Variants in VWF observed in about 807,000 individuals in gnomAD.
The protein encoded by VWF is von Willebrand factor.
In VWF, 176 loss-of-function variants were observed where a neutral mutation model predicts 308.6. The observed-to-expected ratio is 0.57, with a 90% confidence interval of 0.50 to 0.65. The LOEUF is 0.65. Ranked by LOEUF, VWF falls within the 30% of genes least tolerant of loss-of-function variation. The pLI is 0.00. For missense variants in VWF, 3,146 were observed against 3,648.2 expected, an observed-to-expected ratio of 0.86 and a Z score of 3.55; for synonymous variants, 1,385 against 1,443.4, an observed-to-expected ratio of 0.96 and a Z score of 0.92.
chr12:5,949,879 C>G lies in VWF; in HGVS notation c.8160G>C (p.Glu2720Asp). ...CAGTGATGTCGTTGCACTCAGGCTC[C>G]TCACCTACAGGACAGGTGAGAGATG... ...KIPGTCCDTC[E>D]EPECNDITAR... Residue 2720 changes from glutamate (E) to aspartate (D), a missense_variant, in exon 51 of 52, where the codon GAG becomes GAC. By Grantham distance (45) the Glu-to-Asp change is conservative. This residue lies in a region of VWF where 989 missense variants were observed against 1,117.4 expected (regional missense o/e 0.89). Coordinates refer to ENST00000261405, the MANE Select transcript of VWF (RefSeq NM_000552.5). 6.2e-7 allele frequency: 1 copy of G among 1,613,364 alleles called. No homozygotes were observed. The highest frequency in any genetic ancestry group is 8.5e-7 in the Non-Finnish European group (1 of 1,180,004).
chr12:6,077,960 AAC>A (rs962256634), intron 6 of VWF, among the ~76,000 whole-genome samples: 21 of 152,178 alleles, frequency 1.4e-4, no homozygotes, highest in African/African-American at 5.1e-4. Context: ...GGAGAATAGT[AAC>A]AGTTCCTCTG....
chr12:5,998,668 G>T (rs1943839137), intron 34 of VWF, among the ~76,000 whole-genome samples: 1 of 151,138 alleles, frequency 6.6e-6, no homozygotes, highest in South Asian at 2.1e-4. Context: ...TATGAAAAAA[G>T]CATGCTTTCA....
intron 15 of VWF, 54 bp downstream of exon 15, chr12:6,056,803 C>A: frequency 7.6e-7 from 1 of 1,313,270 alleles, no homozygotes; most frequent in Non-Finnish European, 9.7e-7. Context: ...GAAAAGCACA[C>A]GTGGACGGAT....
chr12:5,996,245 T>C (rs1943807602), intron 34 of VWF, 23 bp from the exon 35 acceptor site: 2 of 1,595,734 alleles, frequency 1.3e-6, no homozygotes, highest in African/African-American at 1.3e-5. Flanking sequence ...AAGCAGAGGA[T>C]GGATGCGACG....
chr12:6,103,397 CACGTGTGTGTATACACACGTGTGTGTAT>C (rs1290980050), intron 5 of VWF, among the ~76,000 whole-genome samples: 2 of 109,564 alleles, frequency 1.8e-5, no homozygotes, highest in Non-Finnish European at 3.3e-5. Flanking sequence ...TGTGTGTATA[CACGTGTGTGTATACACACGTGTGTGTAT>C]ACACACGTGT....
At chr12:6,103,443 C>CACACGTGTGTAT (rs1565391052) in intron 5 of VWF, among the ~76,000 whole-genome samples, 1 of 115,764 alleles carries the variant, frequency 8.6e-6, no homozygotes, top group Non-Finnish European at 1.7e-5. Flanking sequence ...TGTGTATATA[C>CACACGTGTGTAT]ATACACATAT....
intron 18 of VWF, among the ~76,000 whole-genome samples, chr12:6,042,540 G>A (rs373934184): frequency 2.4e-4 from 37 of 152,308 alleles, no homozygotes; most frequent in East Asian, 9.7e-4. Context: ...CACACTCGCC[G>A]GCATCGTAAG....
At chr12:6,073,442 A>G (rs143778992) in intron 8 of VWF, among the ~76,000 whole-genome samples, 177 bp downstream of exon 8, 286 of 152,356 alleles carry the variant, frequency 1.9e-3, no homozygotes, top group African/African-American at 6.6e-3. Flanking sequence ...GACAACGTAC[A>G]TTAAAAATAA....
Position 6,064,242 on chromosome 12 carries a change from A to G in VWF, c.1432+4T>C. 6.2e-7 allele frequency: 1 copy of G among 1,614,138 alleles called. No individual in the cohort carries two copies. The highest frequency in any genetic ancestry group is 8.5e-7 in the Non-Finnish European group (1 of 1,180,038). ...CAGGCCTGATGGAGCAGGACGAAGC[A>G]TACCTTTCAGGAGGGGGAGCTGGAC... On this transcript the variant is annotated splice_donor_region_variant and intron_variant, in intron 12 of 51. Transcript: ENST00000261405.
intron 6 of VWF, among the ~76,000 whole-genome samples, chr12:6,085,017 T>A (rs2238103): frequency 0.67 from 101,916 of 152,046 alleles, 34,409 homozygotes; most frequent in East Asian, 0.79. Context: ...AGCTTGACAT[T>A]CCTCTCTCTA....
chr12:6,044,787 G>A (rs1310227967), intron 17 of VWF, among the ~76,000 whole-genome samples: 3 of 152,198 alleles, frequency 2.0e-5, no homozygotes, highest in Non-Finnish European at 4.4e-5. Context: ...GGCTTGAAAA[G>A]ACCTGAGTTT....
chr12:6,094,029 G>A (rs1440743072), intron 6 of VWF, among the ~76,000 whole-genome samples: 1 of 152,126 alleles, frequency 6.6e-6, no homozygotes, highest in African/African-American at 2.4e-5. Flanking sequence ...AGAGGAGAAG[G>A]CCATGTGACC....
chr12:6,052,930 CA>C, intron 15 of VWF, 147 bp from the exon 16 acceptor site: 1 of 1,262,916 alleles, frequency 7.9e-7, no homozygotes, highest in African/African-American at 1.5e-5. Context: ...CTTGCAATTA[CA>C]AGAAGTAATG....
intron 34 of VWF, among the ~76,000 whole-genome samples, chr12:6,005,807 T>C (rs1240944439): frequency 6.6e-6 from 1 of 152,188 alleles, no homozygotes; most frequent in South Asian, 2.1e-4. Flanking sequence ...CTTTCTCATG[T>C]GCACAAAAGC....
At chr12:5,984,728 T>C (rs1452317751) in intron 40 of VWF, among the ~76,000 whole-genome samples, 1 of 152,214 alleles carries the variant, frequency 6.6e-6, no homozygotes, top group Non-Finnish European at 1.5e-5. Context: ...AGCCTCAAAA[T>C]CTTATTGAAA....
chr12:6,006,874 T>C (rs1037296939), intron 34 of VWF, among the ~76,000 whole-genome samples: 11 of 152,198 alleles, frequency 7.2e-5, no homozygotes, highest in African/African-American at 1.2e-4. Context: ...AGAATGCACA[T>C]AGGTTTAAAG....
chr12:5,979,471 G>A (rs746285128), intron 42 of VWF, among the ~76,000 whole-genome samples: 21 of 152,242 alleles, frequency 1.4e-4, no homozygotes, highest in Admixed American at 3.3e-4. Flanking sequence ...GGATAGCTGG[G>A]CCAGGCATGG....
intron 17 of VWF, among the ~76,000 whole-genome samples, chr12:6,045,170 T>C (rs1245365411): frequency 6.6e-6 from 1 of 152,194 alleles, no homozygotes; most frequent in Non-Finnish European, 1.5e-5. Context: ...TGGCAATTAG[T>C]AGGTATCAAT....
intron 5 of VWF, among the ~76,000 whole-genome samples, chr12:6,109,266 T>C (rs12301865): frequency 0.035 from 5,243 of 149,976 alleles, 305 homozygotes; most frequent in African/African-American, 0.12. Flanking sequence ...TGTATATATA[T>C]ACATATATAT....
Sources: allele counts gnomAD v4.1 joint callset (sites outside exome capture counted in the v4.1 genomes callset), GRCh38; gene constraint gnomAD v4.1.1; regional missense constraint gnomAD v4.1.1; transcripts MANE v1.5; gene names NCBI Gene and HGNC (gene_info 2026-07-23, HGNC 2026-07-21).